The following DHX35 variants were observed in gnomAD, a reference collection of about 807,000 sequenced individuals.
DHX35 encodes the protein probable ATP-dependent RNA helicase DHX35.
In DHX35, 84 loss-of-function variants were observed where a neutral mutation model predicts 99.6. The observed-to-expected ratio is 0.84, with a 90% CI of 0.71 to 1.01. The LOEUF (loss-of-function observed/expected upper bound fraction) is 1.01. DHX35 is among the 50% of genes least tolerant of loss of function. The probability of loss-of-function intolerance (pLI) is 0.00; values close to 1 mark genes in which losing one functional copy is unlikely to be tolerated. For synonymous variants in DHX35, 331 were observed against 316.2 expected, an observed-to-expected ratio of 1.05 and a Z score of -0.50; for missense variants, 852 against 888.5, an observed-to-expected ratio of 0.96 and a Z score of 0.52.
chr20:38,978,823 G>T (rs2086123004), intron 3 of DHX35, among the ~76,000 whole-genome samples: 1 of 151,990 alleles, frequency 6.6e-6, no homozygotes, highest in Non-Finnish European at 1.5e-5. Flanking sequence ...TCATAACTTT[G>T]GTCCTTTCAT....
chr20:39,010,020 G>A (rs1479132101), intron 12 of DHX35, among the ~76,000 whole-genome samples: 3 of 151,978 alleles, frequency 2.0e-5, no homozygotes, highest in African/African-American at 7.3e-5. Flanking sequence ...TTAATGTTTT[G>A]CTGACAAAAA....
At chr20:38,972,501 T>C in intron 2 of DHX35, 58 bp from the exon 3 acceptor site, 1 of 1,072,514 alleles carries the variant, frequency 9.3e-7, no homozygotes, top group Admixed American at 2.0e-5. Context: ...TAAATATCGT[T>C]GTTTAGGTCT....
At chr20:38,979,829 T>A (rs1490801065) in intron 3 of DHX35, among the ~76,000 whole-genome samples, 1 of 58,172 alleles carries the variant, frequency 1.7e-5, no homozygotes, top group East Asian at 6.3e-4. Flanking sequence ...CCTAGATGAT[T>A]TTTTTTTTTT....
chr20:38,985,886 A>G (rs2086241989), intron 4 of DHX35, among the ~76,000 whole-genome samples: 2 of 152,228 alleles, frequency 1.3e-5, no homozygotes, highest in African/African-American at 2.4e-5. Context: ...TGTGCAGACT[A>G]AAATCTGCAA....
At chr20:39,003,300 G>A (rs1186262444) in intron 10 of DHX35, among the ~76,000 whole-genome samples, 3 of 152,122 alleles carry the variant, frequency 2.0e-5, no homozygotes, top group Admixed American at 6.5e-5. Flanking sequence ...GCTCGCTGAC[G>A]GTGGCCAGCA....
intron 4 of DHX35, among the ~76,000 whole-genome samples, chr20:38,987,262 GA>G (rs1375787806): frequency 1.1e-4 from 17 of 151,438 alleles, no homozygotes; most frequent in African/African-American, 4.1e-4. Flanking sequence ...TTTGTTTTTT[GA>G]CACAGTCTCT....
At chr20:39,024,045 A>G (rs1368116110) in intron 17 of DHX35, among the ~76,000 whole-genome samples, 1 of 152,210 alleles carries the variant, frequency 6.6e-6, no homozygotes, top group African/African-American at 2.4e-5. Context: ...GCCTCACGTC[A>G]TCTCACATCC....
intron 8 of DHX35, 61 bp downstream of exon 8, chr20:38,994,941 T>G (rs1322447043): frequency 1.4e-6 from 2 of 1,465,666 alleles, no homozygotes; most frequent in Non-Finnish European, 1.9e-6. Context: ...TATATATCCT[T>G]GGGAAGTTAC....
At chr20:38,967,816 T>C (rs967536019) in intron 1 of DHX35, among the ~76,000 whole-genome samples, 1 of 152,142 alleles carries the variant, frequency 6.6e-6, no homozygotes, top group Non-Finnish European at 1.5e-5. Context: ...ATGGTTCCAA[T>C]GGGGACTGTC....
rs749257484 is a variant in DHX35 at position 39,023,716 on chromosome 20, G to A, written c.1620G>A (p.Val540=). The change falls in exon 17 of 22, where the codon GTG becomes GTA. Residue 540 remains valine (V), a synonymous_variant. Transcript: ENST00000252011. ...TTCGAGTGCACCGTAAATTTGCTGT[G>A]GAGGAGGGCGACCACCTCACTATGC... ...HAIRVHRKFA[V]EEGDHLTMLN... The A allele has an allele frequency of 1.2e-6, 2 of 1,614,022 alleles. No homozygotes were observed. Among genetic ancestry groups the A allele is most frequent in the Admixed American group, 3.3e-5 (2 of 60,012 alleles).
chr20:39,001,016 C>G (rs562072541), intron 8 of DHX35, among the ~76,000 whole-genome samples: 1 of 152,134 alleles, frequency 6.6e-6, no homozygotes, highest in South Asian at 2.1e-4. Context: ...TTGGCTGGAG[C>G]CCTCAAGACA....
At chr20:38,985,075 T>A (rs1434558501) in intron 4 of DHX35, among the ~76,000 whole-genome samples, 1 of 152,138 alleles carries the variant, frequency 6.6e-6, no homozygotes, top group Non-Finnish European at 1.5e-5. Flanking sequence ...TTGAATTCTT[T>A]TGTTGTTTTT....
At chr20:38,976,525 A>G (rs991444076) in intron 3 of DHX35, among the ~76,000 whole-genome samples, 3 of 151,060 alleles carry the variant, frequency 2.0e-5, no homozygotes, top group Non-Finnish European at 4.4e-5. Flanking sequence ...TGATATATGT[A>G]TATGTTGTAT....
intron 16 of DHX35, among the ~76,000 whole-genome samples, chr20:39,023,026 A>G (rs1216156514): frequency 6.6e-6 from 1 of 152,138 alleles, no homozygotes; most frequent in African/African-American, 2.4e-5. Flanking sequence ...ATAGATTACA[A>G]AGTTTTTCTG....
At chr20:38,992,480 C>A in intron 7 of DHX35, 55 bp downstream of exon 7, 1 of 1,539,930 alleles carries the variant, frequency 6.5e-7, no homozygotes. Context: ...TGCCTAATTA[C>A]AAAAGCAACT....
At chr20:39,037,016 T>C (rs971787091) in intron 21 of DHX35, among the ~76,000 whole-genome samples, 1 of 152,200 alleles carries the variant, frequency 6.6e-6, no homozygotes, top group Non-Finnish European at 1.5e-5. Flanking sequence ...TTGGAGACTT[T>C]CCATCACCAC....
At chr20:39,001,997 G>A (rs551665527) in intron 9 of DHX35, among the ~76,000 whole-genome samples, 155 bp downstream of exon 9, 12 of 152,304 alleles carry the variant, frequency 7.9e-5, no homozygotes, top group African/African-American at 2.9e-4. Context: ...CCCTGCTCCG[G>A]ATCACTGCTG....
chr20:39,034,655 A>G (rs373241262), intron 21 of DHX35, among the ~76,000 whole-genome samples: 4 of 150,334 alleles, frequency 2.7e-5, no homozygotes, highest in African/African-American at 9.8e-5. Flanking sequence ...TGGCACGATC[A>G]TGGCTCACTG....
At chr20:39,022,095 T>G (rs2086882056) in intron 16 of DHX35, among the ~76,000 whole-genome samples, 160 bp downstream of exon 16, 1 of 152,204 alleles carries the variant, frequency 6.6e-6, no homozygotes, top group Admixed American at 6.5e-5. Flanking sequence ...GTCAGGTGTT[T>G]TGCAGGCATC....
Sources: allele counts gnomAD v4.1 joint callset (sites outside exome capture counted in the v4.1 genomes callset), GRCh38; gene constraint gnomAD v4.1.1; transcripts MANE v1.5; gene names NCBI Gene and HGNC (gene_info 2026-07-23, HGNC 2026-07-21).